The following SLC9A9 variants were observed in gnomAD, a reference collection of about 807,000 sequenced individuals.
The protein encoded by SLC9A9 is solute carrier family 9 member A9, also known as sodium/hydrogen exchanger 9.
A neutral mutation model predicts 77.8 loss-of-function variants in SLC9A9; 62 were observed. That is an observed-to-expected ratio of 0.80 (90% CI 0.65 to 0.98). SLC9A9 has a LOEUF of 0.98. Among genes scored for constraint, SLC9A9 ranks in the 50% least tolerant of loss-of-function variants. SLC9A9 has a pLI of 0.00. For missense variants in SLC9A9, 775 were observed against 774.9 expected, an observed-to-expected ratio of 1.00 and a Z score of 0.00; for synonymous variants, 320 against 283.5, an observed-to-expected ratio of 1.13 and a Z score of -1.29.
At chr3:143,466,827 C>T (rs1320138857) in intron 12 of SLC9A9, among the ~76,000 whole-genome samples, 1 of 152,192 alleles carries the variant, frequency 6.6e-6, no homozygotes, top group Non-Finnish European at 1.5e-5. Flanking sequence ...TATAAACAGA[C>T]ATCATCCTAG....
At chr3:143,331,374 T>C (rs996159921) in intron 14 of SLC9A9, among the ~76,000 whole-genome samples, 1 of 152,218 alleles carries the variant, frequency 6.6e-6, no homozygotes, top group Non-Finnish European at 1.5e-5. Context: ...TCCTGTGTAA[T>C]ATTACTAATA....
Position 143,652,293 on chromosome 3 carries a change from C to T in SLC9A9, c.717G>A (p.Glu239=). The T allele has an allele frequency of 6.2e-7, 1 of 1,613,456 alleles. No individual in the cohort carries two copies. The highest frequency in any genetic ancestry group is 8.5e-7 in the Non-Finnish European group (1 of 1,179,722). Residue 239 remains glutamate (E), a synonymous_variant, in exon 6 of 16, where the codon GAG becomes GAA. Coordinates refer to ENST00000316549, the MANE Select transcript of SLC9A9 (RefSeq NM_173653.4). Reference sequence around the variant, plus strand: ...TGGCCACTGCATCATTCAACACACTCTCTCCAAACAAGAGTGTGTACAGGT... The same window carrying T: ...TGGCCACTGCATCATTCAACACACTTTCTCCAAACAAGAGTGTGTACAGGT... ...DPDLYTLLFG[E]SVLNDAVAIV...
intron 14 of SLC9A9, among the ~76,000 whole-genome samples, chr3:143,269,263 A>T (rs1937830354): frequency 6.6e-6 from 1 of 152,206 alleles, no homozygotes; most frequent in South Asian, 2.1e-4. Context: ...TCAATGTCTC[A>T]TTTGCTTAGA....
chr3:143,281,611 T>C (rs1484375478), intron 14 of SLC9A9, among the ~76,000 whole-genome samples: 1 of 152,254 alleles, frequency 6.6e-6, no homozygotes, highest in East Asian at 1.9e-4. Flanking sequence ...GAGAGTTAGA[T>C]TGCAAATGCT....
At chr3:143,720,739 C>T (rs1158383725) in intron 4 of SLC9A9, among the ~76,000 whole-genome samples, 1 of 151,962 alleles carries the variant, frequency 6.6e-6, no homozygotes, top group Non-Finnish European at 1.5e-5. Context: ...TAAGGAGTGC[C>T]TGTAGTCTTC....
At chr3:143,519,082 G>A (rs1260024091) in intron 9 of SLC9A9, among the ~76,000 whole-genome samples, 1 of 152,204 alleles carries the variant, frequency 6.6e-6, no homozygotes, top group Non-Finnish European at 1.5e-5. Context: ...TGGAGATGCA[G>A]TAGTGAACAA....
At chr3:143,455,782 A>G (rs1329966807) in intron 12 of SLC9A9, among the ~76,000 whole-genome samples, 1 of 150,318 alleles carries the variant, frequency 6.7e-6, no homozygotes, top group African/African-American at 2.4e-5. Flanking sequence ...ACCTAAAATC[A>G]CTTATTTCTA....
intron 14 of SLC9A9, among the ~76,000 whole-genome samples, chr3:143,291,592 G>A (rs1255562112): frequency 6.6e-6 from 1 of 152,144 alleles, no homozygotes; most frequent in Non-Finnish European, 1.5e-5. Context: ...CTATTGGGCT[G>A]GAGACATCAG....
intron 1 of SLC9A9, among the ~76,000 whole-genome samples, chr3:143,835,501 A>G (rs1438727107): frequency 1.3e-5 from 2 of 152,248 alleles, no homozygotes; most frequent in Admixed American, 6.5e-5. Context: ...AATGCTTTTT[A>G]TAGTGAAACA....
Position 143,459,988 on chromosome 3 carries a change from TGG to T in SLC9A9, c.1469+7047_1469+7048del, listed in dbSNP as rs563301971. On this transcript the variant is annotated intron_variant, in intron 12 of 15. Transcript: ENST00000316549. ...CCTGTCACCTTATGATTGCTGGGAT[TGG>T]GGAAAAGAGAATGAAGAAAACAACA... Among the ~76,000 whole-genome samples the T allele has an allele frequency of 6.4e-4, 98 of 152,252 alleles. 3 individuals are homozygous for T. The South Asian group carries it at 0.018, about 28-fold the overall frequency.
intron 9 of SLC9A9, chr3:143,518,049 C>T (rs2036233100): frequency 6.8e-7 from 1 of 1,475,132 alleles, no homozygotes; most frequent in South Asian, 1.1e-5. Flanking sequence ...TTCTTACTGT[C>T]AGGTTTTTCT....
Position 143,279,078 on chromosome 3 carries a change from G to T in SLC9A9, c.1605-10098C>A, listed in dbSNP as rs747909615. ...TTTCACTGTGTCCCTTGAGTTACAG[G>T]TTTCAGAGATATATTTCAACCATCC... On this transcript the variant is annotated intron_variant, in intron 14 of 15. Coordinates refer to ENST00000316549, the MANE Select transcript of SLC9A9 (RefSeq NM_173653.4). Among the ~76,000 whole-genome samples, 6 of 152,208 alleles carry T rather than the reference G, an allele frequency of 3.9e-5. No homozygotes were observed. The Middle Eastern group carries it at 0.01, about 259-fold the overall frequency.
intron 12 of SLC9A9, among the ~76,000 whole-genome samples, chr3:143,435,286 T>G (rs1437030749): frequency 6.6e-6 from 1 of 152,220 alleles, no homozygotes; most frequent in Non-Finnish European, 1.5e-5. Flanking sequence ...TCTTTTGCAC[T>G]ATAAACCCAA....
intron 14 of SLC9A9, among the ~76,000 whole-genome samples, chr3:143,275,054 G>T (rs948090810): frequency 1.3e-5 from 2 of 152,090 alleles, no homozygotes; most frequent in Non-Finnish European, 2.9e-5. Context: ...TCTGAAGCTT[G>T]TTCTTCAGTA....
At position 143,265,842 on chromosome 3, in the gene SLC9A9, T is replaced by TAG. The variant is rs984327748; in HGVS notation, c.*858_*859dup. The TAG allele has an allele frequency of 1.7e-6, 1 of 591,620 alleles. No homozygotes were observed. The highest frequency in any genetic ancestry group is 3.0e-6 in the Non-Finnish European group (1 of 331,824). The allele number at this position is 591,620 out of a possible 1,614,324, so 36.6% of individuals were successfully genotyped here. A position where few individuals can be genotyped will look rare whatever the true frequency, so the allele number is the denominator to read the frequency against. The stretch of plus-strand genomic sequence containing the variant: ...GGCTCCTGCACAGTCTGCTGCCAGG[T>TAG]AGAGAGCAACACAGGCTGCAGAATC... On this transcript the variant is annotated 3_prime_UTR_variant, in exon 16 of 16. Coordinates refer to ENST00000316549, the MANE Select transcript of SLC9A9 (RefSeq NM_173653.4).
chr3:143,583,148 G>A (rs2037484176), intron 6 of SLC9A9, among the ~76,000 whole-genome samples: 1 of 151,688 alleles, frequency 6.6e-6, no homozygotes, highest in African/African-American at 2.4e-5. Context: ...GCAAGACCTT[G>A]TCTCAAAATA....
chr3:143,409,137 G>A lies in SLC9A9; in HGVS notation c.1470-27023C>T, dbSNP rs1030711657. The stretch of plus-strand genomic sequence containing the variant: ...ATGAATTGGGCTTGTTTGGATGTGA[G>A]GTCAGGCCATAGTGCCCATATTCAG... On this transcript the variant is annotated intron_variant, in intron 12 of 15. Coordinates refer to ENST00000316549, the MANE Select transcript of SLC9A9 (RefSeq NM_173653.4). Among the ~76,000 whole-genome samples the A allele has an allele frequency of 5.3e-5, 8 of 152,236 alleles. No individual in the cohort carries two copies. The South Asian group carries it at 1.2e-3, about 24-fold the overall frequency.
chr3:143,604,339 G>A (rs533641533), intron 6 of SLC9A9, among the ~76,000 whole-genome samples: 115 of 152,318 alleles, frequency 7.5e-4, no homozygotes, highest in African/African-American at 2.7e-3. Context: ...ACACATAGAT[G>A]AATAAGACAA....
chr3:143,278,246 A>G (rs1490079289), intron 14 of SLC9A9, among the ~76,000 whole-genome samples: 1 of 152,190 alleles, frequency 6.6e-6, no homozygotes, highest in East Asian at 1.9e-4. Context: ...AACTACCTTC[A>G]GTGCTTACAC....
Sources: allele counts gnomAD v4.1 joint callset (sites outside exome capture counted in the v4.1 genomes callset), GRCh38; gene constraint gnomAD v4.1.1; transcripts MANE v1.5; gene names NCBI Gene and HGNC (gene_info 2026-07-23, HGNC 2026-07-21).